The following DRC4 variants were observed in gnomAD, a reference collection of about 807,000 sequenced individuals.
DRC4 encodes the protein GAS-11.
chr16:90,028,173 A>ATTTT, the DRC4 span, among the ~76,000 whole-genome samples: 399 of 63,850 alleles, frequency 6.2e-3, 74 homozygotes, highest in Non-Finnish European at 8.7e-3. Flanking sequence ...TTAATCGTTC[A>ATTTT]TTTTTTTTTT....
chr16:90,036,066 C>CCACCCAGCCACAA, the DRC4 span: 1 of 691,232 alleles, frequency 1.4e-6, no homozygotes, highest in Non-Finnish European at 2.2e-6. Flanking sequence ...CTGATTGTGG[C>CCACCCAGCCACAA]TGGGTGGCCA....
At chr16:90,044,388 A>C in the DRC4 span, 1 of 416,682 alleles carries the variant, frequency 2.4e-6, no homozygotes, top group Non-Finnish European at 4.9e-6. Context: ...CCTACCTGCC[A>C]CCGCCCAGGA....
chr16:90,043,396 G>A, the DRC4 span: 1 of 1,538,264 alleles, frequency 6.5e-7, no homozygotes, highest in Non-Finnish European at 8.8e-7. Context: ...GAACACTCGG[G>A]ATGACACCCC....
At chr16:90,032,241 C>T in the DRC4 span, among the ~76,000 whole-genome samples, 2 of 145,282 alleles carry the variant, frequency 1.4e-5, no homozygotes, top group Non-Finnish European at 3.0e-5. Flanking sequence ...CAGGAATGTA[C>T]AAGTGAGGAG....
chr16:90,027,223 C>T, the DRC4 span, among the ~76,000 whole-genome samples: 49,971 of 151,246 alleles, frequency 0.33, 8,420 homozygotes, highest in South Asian at 0.44. Context: ...GTAGCTGGGA[C>T]TACAGGCGCC....
chr16:90,039,053 T>C, the DRC4 span, among the ~76,000 whole-genome samples: 1 of 152,356 alleles, frequency 6.6e-6, no homozygotes, highest in Non-Finnish European at 1.5e-5. Context: ...CAGAGACACC[T>C]CAGGTCCTGC....
the DRC4 span, chr16:90,022,628 C>G: frequency 3.5e-5 from 47 of 1,324,286 alleles, no homozygotes; most frequent in Non-Finnish European, 4.6e-5. Flanking sequence ...TGTGACTTAT[C>G]GCGGCATCGC....
At chr16:90,036,296 G>T in the DRC4 span, 1 of 1,221,930 alleles carries the variant, frequency 8.2e-7, no homozygotes, top group East Asian at 2.3e-5. Flanking sequence ...TGGGCGTTTT[G>T]GGCCCGTTTA....
At chr16:90,037,430 T>C in the DRC4 span, 5 of 1,591,178 alleles carry the variant, frequency 3.1e-6, no homozygotes, top group African/African-American at 6.7e-5. Flanking sequence ...CTCTCCCTCC[T>C]TGGCATGAGC....
At chr16:90,021,147 C>T in the DRC4 span, among the ~76,000 whole-genome samples, 2,175 of 152,342 alleles carry the variant, frequency 0.014, 23 homozygotes, top group African/African-American at 0.027. Flanking sequence ...ACTGGCTGCT[C>T]CTCTCCAAGA....
chr16:90,043,176 A>T, the DRC4 span: 3 of 1,599,788 alleles, frequency 1.9e-6, no homozygotes, highest in Non-Finnish European at 2.6e-6. Flanking sequence ...CAGCTCCCTG[A>T]CACTGCCCTG....
chr16:90,027,605 A>T, the DRC4 span: 1 of 1,604,192 alleles, frequency 6.2e-7, no homozygotes, highest in Middle Eastern at 1.7e-4. Flanking sequence ...AAGCTGTTAG[A>T]GTCTCTCTTA....
the DRC4 span, among the ~76,000 whole-genome samples, chr16:90,027,051 T>C: frequency 6.6e-6 from 1 of 151,790 alleles, no homozygotes; most frequent in Non-Finnish European, 1.5e-5. Context: ...TAACTGGGAC[T>C]ATAGGCACAC....
chr16:90,024,110 T>C, the DRC4 span, among the ~76,000 whole-genome samples: 3 of 116,986 alleles, frequency 2.6e-5, no homozygotes, highest in Non-Finnish European at 3.8e-5. Flanking sequence ...TGAAACCCTG[T>C]CTTTACTAAA....
At chr16:90,037,947 T>A in the DRC4 span, 1 of 1,048,192 alleles carries the variant, frequency 9.5e-7, no homozygotes, top group Non-Finnish European at 1.5e-6. Context: ...GGCCCTGCAG[T>A]GGGGATGGCA....
chr16:90,031,073 T>G, the DRC4 span: 6 of 987,666 alleles, frequency 6.1e-6, no homozygotes, highest in African/African-American at 1.6e-5. Context: ...AAGGATCTAG[T>G]TATTTTATGA....
the DRC4 span, chr16:90,035,773 C>T: frequency 2.0e-5 from 33 of 1,612,578 alleles, no homozygotes; most frequent in Non-Finnish European, 2.5e-5. Flanking sequence ...CTTGTTAACT[C>T]AGGGAGCAAA....
chr16:90,039,551 A>G, the DRC4 span, among the ~76,000 whole-genome samples: 1 of 151,190 alleles, frequency 6.6e-6, no homozygotes, highest in Non-Finnish European at 1.5e-5. Context: ...ACGCCCGGCT[A>G]ATGTTTGGTA....
chr16:90,033,085 C>T, the DRC4 span, among the ~76,000 whole-genome samples: 2 of 152,138 alleles, frequency 1.3e-5, no homozygotes, highest in African/African-American at 4.8e-5. Context: ...TTAAAGCATG[C>T]ATCCAAACAA....
Sources: gnomAD v4.1 joint callset for allele counts (sites outside exome capture counted in the v4.1 genomes callset) on GRCh38, gnomAD v4.1.1 for gene constraint, MANE v1.5 for transcripts, NCBI Gene and HGNC (gene_info 2026-07-23, HGNC 2026-07-21) for gene names.